The following TASP1 variants were observed in gnomAD, a reference collection of about 807,000 sequenced individuals.
TASP1 encodes taspase 1, also known as threonine aspartase 1.
TASP1 carries 16 observed loss-of-function variants against 56.6 expected under a neutral mutation model. The ratio of observed to expected loss-of-function variants is 0.28; its 90% confidence interval spans 0.19 to 0.43. The LOEUF is 0.43. Among genes scored for constraint, TASP1 ranks in the 20% least tolerant of loss-of-function variants. The probability of loss-of-function intolerance (pLI) is 1.00; values close to 1 mark genes in which losing one functional copy is unlikely to be tolerated. For synonymous variants in TASP1, 179 were observed against 184.2 expected (o/e 0.97, Z 0.23); for missense variants, 393 against 511.6 (o/e 0.77, Z 2.24).
At chr20:13,219,983 G>A in the TASP1 span, among the ~76,000 whole-genome samples, 1 of 152,164 alleles carries the variant, frequency 6.6e-6, no homozygotes, top group African/African-American at 2.4e-5. Flanking sequence ...CGTCAAGAAA[G>A]AGTTGATTAT....
chr20:13,295,423 A>G, the TASP1 span, among the ~76,000 whole-genome samples: 2 of 152,210 alleles, frequency 1.3e-5, no homozygotes, highest in East Asian at 3.9e-4. Context: ...TTCTGCTCCC[A>G]TGAAACTGAA....
intron 8 of TASP1, among the ~76,000 whole-genome samples, chr20:13,539,342 T>TA (rs1225287047): frequency 6.6e-6 from 1 of 151,970 alleles, no homozygotes; most frequent in Non-Finnish European, 1.5e-5. Context: ...GTATACCATA[T>TA]AAAAATCTAA....
chr20:13,145,594 A>G, the TASP1 span, among the ~76,000 whole-genome samples: 2 of 152,242 alleles, frequency 1.3e-5, no homozygotes, highest in African/African-American at 4.8e-5. Context: ...TTCTATGCCC[A>G]TCAAACTACC....
At chr20:13,469,393 C>G (rs6042140) in intron 11 of TASP1, among the ~76,000 whole-genome samples, 1,594 of 152,264 alleles carry the variant, frequency 0.01, 38 homozygotes, top group African/African-American at 0.036. Context: ...GGGAGAAAAC[C>G]AACTTCCATT....
the TASP1 span, among the ~76,000 whole-genome samples, chr20:13,254,058 TAAA>T: frequency 0.12 from 13,913 of 116,054 alleles, 829 homozygotes; most frequent in African/African-American, 0.17. Flanking sequence ...TCATCTCTAC[TAAA>T]AAAAAAAAAA....
chr20:13,349,297 G>A, the TASP1 span, among the ~76,000 whole-genome samples: 2 of 152,116 alleles, frequency 1.3e-5, no homozygotes, highest in South Asian at 2.1e-4. Flanking sequence ...AGTGCTAAAG[G>A]TGTAACATTT....
At chr20:13,194,691 C>T in the TASP1 span, among the ~76,000 whole-genome samples, 1 of 152,002 alleles carries the variant, frequency 6.6e-6, no homozygotes, top group Non-Finnish European at 1.5e-5. Context: ...CAAAGTTAAT[C>T]TTTTTCTCAT....
chr20:13,596,288 T>A (rs556210074), intron 4 of TASP1, among the ~76,000 whole-genome samples: 38 of 150,998 alleles, frequency 2.5e-4, no homozygotes, highest in African/African-American at 8.3e-4. Flanking sequence ...GGCAGGAGAA[T>A]CGCTTGAACC....
chr20:13,323,646 C>A, the TASP1 span, among the ~76,000 whole-genome samples: 15 of 152,250 alleles, frequency 9.9e-5, no homozygotes, highest in African/African-American at 3.4e-4. Flanking sequence ...CATTTGATAA[C>A]CTGCATTTAT....
At chr20:13,328,935 A>C in the TASP1 span, among the ~76,000 whole-genome samples, 1 of 152,242 alleles carries the variant, frequency 6.6e-6, no homozygotes, top group Non-Finnish European at 1.5e-5. Context: ...CACATCCTGC[A>C]CATGCACCAC....
the TASP1 span, among the ~76,000 whole-genome samples, chr20:13,229,997 T>A: frequency 2.0e-5 from 3 of 152,232 alleles, no homozygotes; most frequent in Non-Finnish European, 2.9e-5. Context: ...CTTAATTTTA[T>A]TTTCCTTTAT....
chr20:13,330,527 A>C, the TASP1 span, among the ~76,000 whole-genome samples: 1 of 152,212 alleles, frequency 6.6e-6, no homozygotes, highest in Non-Finnish European at 1.5e-5. Flanking sequence ...TACTGGCCCC[A>C]TAAAAAATTG....
the TASP1 span, among the ~76,000 whole-genome samples, chr20:13,107,295 GA>G: frequency 6.6e-6 from 1 of 151,014 alleles, no homozygotes; most frequent in African/African-American, 2.4e-5. Flanking sequence ...TGAGAAAATA[GA>G]AAAAAAAGTC....
chr20:13,550,898 A>C (rs547652589), intron 8 of TASP1, among the ~76,000 whole-genome samples: 1 of 152,116 alleles, frequency 6.6e-6, no homozygotes, highest in Non-Finnish European at 1.5e-5. Flanking sequence ...TTGTGCATTT[A>C]TTTTCTTTGA....
chr20:13,599,166 T>G (rs945160448), intron 4 of TASP1, among the ~76,000 whole-genome samples: 1 of 152,190 alleles, frequency 6.6e-6, no homozygotes, highest in Admixed American at 6.5e-5. Context: ...GACCCAGCGA[T>G]CCCATTACTG....
At chr20:13,153,627 G>T in the TASP1 span, among the ~76,000 whole-genome samples, 1 of 152,024 alleles carries the variant, frequency 6.6e-6, no homozygotes, top group African/African-American at 2.4e-5. Flanking sequence ...AAGTGTGGGG[G>T]GTGGGGGAAG....
chr20:13,592,070 G>A (rs188825206), intron 4 of TASP1, among the ~76,000 whole-genome samples: 4 of 152,062 alleles, frequency 2.6e-5, no homozygotes, highest in East Asian at 3.9e-4. Flanking sequence ...AGAAAATAAC[G>A]AGATGATTGC....
chr20:13,600,788 C>T (rs766348325), intron 4 of TASP1, among the ~76,000 whole-genome samples: 12 of 152,012 alleles, frequency 7.9e-5, no homozygotes, highest in Non-Finnish European at 1.3e-4. Flanking sequence ...TATGTATATG[C>T]ACACATACAT....
chr20:13,316,899 A>G, the TASP1 span, among the ~76,000 whole-genome samples: 1 of 151,930 alleles, frequency 6.6e-6, no homozygotes, highest in Non-Finnish European at 1.5e-5. Context: ...CCTTCTCACC[A>G]TTCCTTTTCA....
Sources: allele counts gnomAD v4.1 joint callset (sites outside exome capture counted in the v4.1 genomes callset), GRCh38; gene constraint gnomAD v4.1.1; transcripts MANE v1.5; gene names NCBI Gene and HGNC (gene_info 2026-07-23, HGNC 2026-07-21).